The following GAS2 variants were observed in gnomAD, a reference collection of about 807,000 sequenced individuals.
GAS2 encodes growth arrest-specific protein 2.
In GAS2, 20 loss-of-function variants were observed where a neutral mutation model predicts 37.5. The ratio of observed to expected loss-of-function variants is 0.53; its 90% CI spans 0.37 to 0.77. The LOEUF (loss-of-function observed/expected upper bound fraction) is 0.77, where lower values mean the gene tolerates loss of function less well. Ranked by LOEUF, GAS2 falls within the 30% of genes least tolerant of loss-of-function variation. The probability of loss-of-function intolerance (pLI) is 0.00; values close to 1 mark genes in which losing one functional copy is unlikely to be tolerated. For missense variants in GAS2, 336 were observed against 373.4 expected, an observed-to-expected ratio of 0.90 and a Z score of 0.82; for synonymous variants, 144 against 132.2, an observed-to-expected ratio of 1.09 and a Z score of -0.61.
chr11:22,764,282 C>T (rs1273162571), intron 7 of GAS2, among the ~76,000 whole-genome samples: 4 of 152,006 alleles, frequency 2.6e-5, no homozygotes, highest in Admixed American at 6.6e-5. Context: ...GAAAGACGGC[C>T]GGGCACGGCG....
intron 7 of GAS2, among the ~76,000 whole-genome samples, chr11:22,805,245 A>G (rs1721194834): frequency 6.6e-6 from 1 of 152,284 alleles, no homozygotes; most frequent in East Asian, 1.9e-4. Flanking sequence ...GTTTAAATTG[A>G]CAGATAAAAT....
At chr11:22,688,828 T>C (rs1297649986) in intron 3 of GAS2, among the ~76,000 whole-genome samples, 2 of 152,076 alleles carry the variant, frequency 1.3e-5, no homozygotes, top group Non-Finnish European at 2.9e-5. Flanking sequence ...CACCAAAAAG[T>C]CACATGCACC....
intron 1 of GAS2, among the ~76,000 whole-genome samples, chr11:22,647,463 G>C (rs1389200593): frequency 1.3e-5 from 2 of 152,084 alleles, no homozygotes; most frequent in Non-Finnish European, 2.9e-5. Context: ...GGATCAAATG[G>C]TATTTCTAGT....
chr11:22,626,681 A>G (rs1338820103), intron 1 of GAS2: 2 of 152,218 alleles, frequency 1.3e-5, no homozygotes, highest in African/African-American at 2.4e-5. Context: ...ACTTAAGTTC[A>G]TAATATAGTA....
chr11:22,647,630 C>T (rs1188858519), intron 1 of GAS2, among the ~76,000 whole-genome samples: 60 of 152,236 alleles, frequency 3.9e-4, no homozygotes, highest in South Asian at 1.7e-3. Flanking sequence ...TGGTGTGAGA[C>T]GGTATCTCAT....
chr11:22,668,808 G>C (rs1042511128), intron 1 of GAS2, among the ~76,000 whole-genome samples: 5 of 152,192 alleles, frequency 3.3e-5, no homozygotes, highest in Non-Finnish European at 5.9e-5. Flanking sequence ...TGTTTACAGA[G>C]AGACTTTTGT....
chr11:22,729,995 T>C (rs1448516914), intron 4 of GAS2, among the ~76,000 whole-genome samples: 1 of 151,744 alleles, frequency 6.6e-6, no homozygotes, highest in Non-Finnish European at 1.5e-5. Flanking sequence ...GGAACCAGAA[T>C]GTCTACTGAA....
chr11:22,779,552 G>T (rs141298256), intron 7 of GAS2, among the ~76,000 whole-genome samples: 1 of 152,054 alleles, frequency 6.6e-6, no homozygotes, highest in African/African-American at 2.4e-5. Flanking sequence ...ATAAAAATTA[G>T]TCAGGTGTGG....
intron 4 of GAS2, among the ~76,000 whole-genome samples, chr11:22,736,569 C>T (rs1852766459): frequency 6.6e-6 from 1 of 152,008 alleles, no homozygotes; most frequent in Admixed American, 6.5e-5. Context: ...ATTTACTACA[C>T]ACACCCAGCA....
chr11:22,723,288 A>G (rs1303493362), intron 3 of GAS2, among the ~76,000 whole-genome samples: 1 of 151,890 alleles, frequency 6.6e-6, no homozygotes, highest in Non-Finnish European at 1.5e-5. Context: ...GCCAGCTTTC[A>G]TTTTATTTGT....
intron 5 of GAS2, among the ~76,000 whole-genome samples, chr11:22,740,710 A>G (rs76038599): frequency 0.014 from 2,100 of 152,318 alleles, 55 homozygotes; most frequent in African/African-American, 0.048. Context: ...TAGTTGAAAG[A>G]AAAAAGGGAA....
rs150949497 is a variant in GAS2, at chr11:22,810,650, T to A, written c.724-1148T>A. On this transcript the variant is annotated intron_variant, in intron 7 of 7. Coordinates refer to ENST00000454584, the MANE Select transcript of GAS2 (RefSeq NM_001143830.3). The stretch of plus-strand genomic sequence containing the variant: ...ATTTGATTTTGAAAACTGCTTCATG[T>A]CAACCACATAAATGAAGTTCTGTGA... 2.5e-3 allele frequency among the ~76,000 whole-genome samples: 379 copies of A among 152,324 alleles called. 2 individuals carry two copies. The highest frequency in any genetic ancestry group is 7.9e-3 in the African/African-American group (328 of 41,568).
intron 3 of GAS2, among the ~76,000 whole-genome samples, chr11:22,720,061 G>A (rs1295015149): frequency 2.0e-5 from 3 of 152,020 alleles, no homozygotes; most frequent in Non-Finnish European, 2.9e-5. Context: ...ATAATTCAAA[G>A]TGCTGTACTT....
chr11:22,641,943 T>A (rs1275514251), intron 1 of GAS2, among the ~76,000 whole-genome samples: 2 of 152,188 alleles, frequency 1.3e-5, no homozygotes, highest in Non-Finnish European at 2.9e-5. Context: ...GTGAAGTGTT[T>A]TCATAAAAGT....
intron 7 of GAS2, among the ~76,000 whole-genome samples, chr11:22,781,933 A>G (rs920351830): frequency 2.0e-5 from 3 of 152,154 alleles, no homozygotes; most frequent in Non-Finnish European, 2.9e-5. Context: ...ACCAGATACC[A>G]TGCTTTCGGC....
chr11:22,639,433 C>A (rs1003731039), intron 1 of GAS2, among the ~76,000 whole-genome samples: 5 of 152,142 alleles, frequency 3.3e-5, no homozygotes, highest in Non-Finnish European at 7.4e-5. Flanking sequence ...AATAAATATC[C>A]TTTCTTTCTA....
chr11:22,720,279 A>C (rs1244955032), intron 3 of GAS2, among the ~76,000 whole-genome samples: 1 of 152,004 alleles, frequency 6.6e-6, no homozygotes, highest in Non-Finnish European at 1.5e-5. Flanking sequence ...GGGAGAAAGC[A>C]GAAAGGGTCA....
At chr11:22,793,045 G>A (rs891779372) in intron 7 of GAS2, among the ~76,000 whole-genome samples, 14 of 152,130 alleles carry the variant, frequency 9.2e-5, no homozygotes, top group Non-Finnish European at 1.8e-4. Context: ...AGGCCAAGGT[G>A]GGTGGATCAC....
At chr11:22,775,315 G>A (rs1048210122) in intron 7 of GAS2, among the ~76,000 whole-genome samples, 7 of 152,124 alleles carry the variant, frequency 4.6e-5, no homozygotes, top group African/African-American at 1.7e-4. Context: ...GAGGGTGGCA[G>A]CTCATTCTGG....
Sources: allele counts gnomAD v4.1 joint callset (sites outside exome capture counted in the v4.1 genomes callset), GRCh38; gene constraint gnomAD v4.1.1; transcripts MANE v1.5; gene names NCBI Gene and HGNC (gene_info 2026-07-23, HGNC 2026-07-21).